MYO3B: variants seen among roughly 807,000 people sequenced by gnomAD.
MYO3B encodes myosin-IIIb.
A neutral mutation model predicts 174.6 loss-of-function variants in MYO3B; 156 were observed. That is an observed-to-expected ratio of 0.89 (90% CI 0.78 to 1.02). The LOEUF (loss-of-function observed/expected upper bound fraction) is 1.02. Among genes scored for constraint, MYO3B ranks in the 50% least tolerant of loss-of-function variants. MYO3B has a pLI of 0.00. For missense variants in MYO3B, 1,632 were observed against 1,639.4 expected, an observed-to-expected ratio of 1.00 and a Z score of 0.08; for synonymous variants, 563 against 569.1, an observed-to-expected ratio of 0.99 and a Z score of 0.15.
chr2:170,182,315 GCTTAA>G (rs1158196710), intron 1 of MYO3B, among the ~76,000 whole-genome samples: 1 of 151,946 alleles, frequency 6.6e-6, no homozygotes, highest in African/African-American at 2.4e-5. Context: ...TAGCAATCTG[GCTTAA>G]CTTTTTTTCT....
At chr2:170,498,524 C>G in intron 25 of MYO3B, 68 bp from the exon 26 acceptor site, 1 of 1,073,768 alleles carries the variant, frequency 9.3e-7, no homozygotes. Flanking sequence ...TCAATGGTCC[C>G]GAGTAATTCT....
intron 1 of MYO3B, among the ~76,000 whole-genome samples, chr2:170,189,884 C>T (rs1046744987): frequency 6.6e-6 from 1 of 152,106 alleles, no homozygotes; most frequent in Non-Finnish European, 1.5e-5. Flanking sequence ...ATGGTCTTGA[C>T]ATTTGTGGAT....
At chr2:170,584,660 A>C (rs1159963316) in intron 32 of MYO3B, among the ~76,000 whole-genome samples, 1 of 152,222 alleles carries the variant, frequency 6.6e-6, no homozygotes, top group Non-Finnish European at 1.5e-5. Flanking sequence ...GCACTTGTTA[A>C]CGTGATTAAT....
At chr2:170,441,578 T>C (rs1189533370) in intron 22 of MYO3B, among the ~76,000 whole-genome samples, 1 of 152,188 alleles carries the variant, frequency 6.6e-6, no homozygotes, top group Non-Finnish European at 1.5e-5. Context: ...GTTGCCCATT[T>C]TTATGGTTAT....
chr2:170,412,183 TA>T (rs2094550238), intron 22 of MYO3B: 1 of 152,208 alleles, frequency 6.6e-6, no homozygotes, highest in South Asian at 2.1e-4. Context: ...CCTGTTTGGG[TA>T]ATGTTCCACT....
At chr2:170,466,900 C>T (rs1391039232) in intron 25 of MYO3B, among the ~76,000 whole-genome samples, 189 bp downstream of exon 25, 2 of 152,170 alleles carry the variant, frequency 1.3e-5, no homozygotes, top group Non-Finnish European at 1.5e-5. Context: ...ATCCAGCAGC[C>T]AGATTAAGCT....
At chr2:170,298,959 G>A (rs1283803504) in intron 7 of MYO3B, among the ~76,000 whole-genome samples, 1 of 152,046 alleles carries the variant, frequency 6.6e-6, no homozygotes, top group Admixed American at 6.6e-5. Context: ...TGCTTTACAG[G>A]TCCATGGGCT....
Position 170,271,674 on chromosome 2 carries a change from A to G in MYO3B, c.749+35538A>G, listed in dbSNP as rs190817975. The stretch of plus-strand genomic sequence containing the variant: ...ACTCTGAAGCTCCTCAAACTGTGCT[A>G]TCTTGTGAAGGCATGTATCAGTGCT... On this transcript the variant is annotated intron_variant, in intron 7 of 34. Transcript: ENST00000408978. Among the ~76,000 whole-genome samples the G allele has an allele frequency of 5.9e-5, 9 of 152,304 alleles. No individual in the cohort carries two copies. In the East Asian group the frequency reaches 1.7e-3, roughly 29 times the overall value.
rs766982539 is a variant in MYO3B, at chr2:170,646,923, G to A, written c.3734-4705G>A. 9 of 1,358,904 alleles carry A rather than the reference G, an allele frequency of 6.6e-6. No homozygotes were observed. The South Asian group carries it at 1.0e-4, about 16-fold the overall frequency. The allele number at this position is 1,358,904 out of a possible 1,614,324, so 84.2% of individuals were successfully genotyped here. A position where few individuals can be genotyped will look rare whatever the true frequency, so the allele number is the denominator to read the frequency against. On this transcript the variant is annotated intron_variant, in intron 32 of 34. Transcript: ENST00000408978. ...TCTCGCCTCAGCCTTTCCACATTAC[G>A]GATGTAACTTTTATGGGTATATATC...
intron 23 of MYO3B, among the ~76,000 whole-genome samples, chr2:170,455,461 T>A (rs766615298): frequency 2.6e-5 from 4 of 152,244 alleles, no homozygotes; most frequent in Non-Finnish European, 5.9e-5. Flanking sequence ...GATATAGGCA[T>A]GGCCATCTAC....
chr2:170,529,317 T>C (rs114213532), intron 30 of MYO3B, among the ~76,000 whole-genome samples: 1 of 151,824 alleles, frequency 6.6e-6, no homozygotes, highest in South Asian at 2.1e-4. Flanking sequence ...CAAGTTTACC[T>C]ATATAACAAA....
At chr2:170,606,881 G>T (rs1457014067) in intron 32 of MYO3B, among the ~76,000 whole-genome samples, 1 of 152,072 alleles carries the variant, frequency 6.6e-6, no homozygotes, top group African/African-American at 2.4e-5. Flanking sequence ...TTAGCCAGGC[G>T]TGGTGGCACA....
intron 6 of MYO3B, among the ~76,000 whole-genome samples, chr2:170,233,129 TG>T: frequency 6.6e-6 from 1 of 152,378 alleles, no homozygotes; most frequent in Non-Finnish European, 1.5e-5. Context: ...TTCTAGACTA[TG>T]GGTACTAGAT....
intron 16 of MYO3B, among the ~76,000 whole-genome samples, chr2:170,393,236 A>G (rs1383991883): frequency 6.6e-6 from 1 of 151,824 alleles, no homozygotes; most frequent in Non-Finnish European, 1.5e-5. Context: ...GGTGTGTGCC[A>G]CCACACCTGA....
rs1282140751 is a variant in MYO3B at position 170,291,827 on chromosome 2, T to G, written c.750-43558T>G. Among the ~76,000 whole-genome samples, 4 of 152,126 alleles carry G rather than the reference T, an allele frequency of 2.6e-5. No individual in the cohort carries two copies. The East Asian group carries it at 7.7e-4, about 29-fold the overall frequency. On this transcript the variant is annotated intron_variant, in intron 7 of 34. Transcript: ENST00000408978. ...AAATTGGAGATCCTTTATATCTTAT[T>G]TCCTTCTTATCTCTTGCTGCATTTA...
Position 170,514,901 on chromosome 2 carries a change from C to A in MYO3B, c.3371-20C>A. 6.2e-7 allele frequency: 1 copy of A among 1,608,508 alleles called. No homozygotes were observed. Among genetic ancestry groups the A allele is most frequent in the Non-Finnish European group, 8.5e-7 (1 of 1,176,440 alleles). The stretch of plus-strand genomic sequence containing the variant: ...TGTGGGAGCATAACCTTGAGAAAGT[C>A]TTTTTGTTTCATTCCACAGGGGACA... On this transcript the variant is annotated intron_variant, in intron 28 of 34. Transcript: ENST00000408978.
At chr2:170,575,529 T>G (rs1453532809) in intron 32 of MYO3B, among the ~76,000 whole-genome samples, 1 of 152,204 alleles carries the variant, frequency 6.6e-6, no homozygotes, top group Non-Finnish European at 1.5e-5. Flanking sequence ...CATATAATTT[T>G]TATGTCCCAC....
intron 30 of MYO3B, among the ~76,000 whole-genome samples, chr2:170,526,910 A>C (rs1247689100): frequency 6.6e-6 from 1 of 152,232 alleles, no homozygotes; most frequent in East Asian, 1.9e-4. Context: ...AAGAATGCCA[A>C]CAGTCTCTTT....
At chr2:170,363,032 C>G (rs1458193429) in intron 8 of MYO3B, among the ~76,000 whole-genome samples, 13 of 152,146 alleles carry the variant, frequency 8.5e-5, no homozygotes, top group Admixed American at 8.5e-4. Flanking sequence ...GCCTCTTTGT[C>G]AGTCAGCCTT....
Sources: allele counts gnomAD v4.1 joint callset (sites outside exome capture counted in the v4.1 genomes callset), GRCh38; gene constraint gnomAD v4.1.1; transcripts MANE v1.5; gene names NCBI Gene and HGNC (gene_info 2026-07-23, HGNC 2026-07-21).